GLB1L3: variants seen among roughly 807,000 people sequenced by gnomAD.
GLB1L3 encodes beta-galactosidase-1-like protein 3.
Under a neutral mutation model 89.5 loss-of-function variants are expected in GLB1L3, and 89 were observed. The observed-to-expected ratio is 0.99, with a 90% CI of 0.84 to 1.19. GLB1L3 has a LOEUF of 1.19. Among genes scored for constraint, GLB1L3 ranks in the 50% most tolerant of loss-of-function variants. GLB1L3 has a pLI of 0.00. For synonymous variants in GLB1L3, 314 were observed against 312.3 expected (o/e 1.01, Z -0.06); for missense variants, 812 against 813.3 (o/e 1.00, Z 0.02).
In GLB1L3 at chr11:134,277,748, G is replaced by T. The variant is rs1565385539; in HGVS notation, c.198G>T (p.Val66=). ...LTPLELKNRS[V]GLGTESTGRG... is the part of the protein sequence containing the mutation. ...CTCTGGAGCTGAAGAATCGATCTGT[G>T]GGACTTGGAACTGAAAGCACAGGTC... The change falls in exon 3 of 20, where the codon GTG becomes GTT. Residue 66 remains valine (V), a synonymous_variant. Transcript: ENST00000431683. The T allele has an allele frequency of 6.2e-7, 1 of 1,613,398 alleles. No individual in the cohort carries two copies. The highest frequency in any genetic ancestry group is 8.5e-7 in the Non-Finnish European group (1 of 1,179,790).
At chr11:134,311,027 C>T (rs1358517404) in intron 12 of GLB1L3, 37 bp from the exon 13 acceptor site, 1 of 1,494,892 alleles carries the variant, frequency 6.7e-7, no homozygotes. Flanking sequence ...GTGGTCATCT[C>T]AGGCACTTTT....
chr11:134,310,663 C>G lies in GLB1L3; in HGVS notation c.1180+12C>G. 1 of 1,602,590 alleles carries G rather than the reference C, an allele frequency of 6.2e-7. No homozygotes were observed. The highest frequency in any genetic ancestry group is 1.1e-5 in the South Asian group (1 of 90,562). ...TCAATCTGTCTCAGGTACTCAGCAC[C>G]CATTTAACTTACGGGCCAGCCCTCC... is the stretch of plus-strand genomic sequence containing the variant. On this transcript the variant is annotated intron_variant, in intron 12 of 19. Coordinates refer to ENST00000431683, the MANE Select transcript of GLB1L3 (RefSeq NM_001080407.3).
In GLB1L3 at chr11:134,284,078, G is replaced by A. The variant is rs1458971643; in HGVS notation, c.636+233G>A. On this transcript the variant is annotated intron_variant, in intron 6 of 19. Coordinates refer to ENST00000431683, the MANE Select transcript of GLB1L3 (RefSeq NM_001080407.3). ...AGAAAGACTCATCACACAAGGCAGG[G>A]ACTGGTTGTCCACATGAACTTACTA... 2.0e-5 allele frequency among the ~76,000 whole-genome samples: 3 copies of A among 152,162 alleles called. No homozygotes were observed. The East Asian group carries it at 5.8e-4, about 29-fold the overall frequency.
chr11:134,288,960 A>G, intron 7 of GLB1L3, 70 bp downstream of exon 7: 1 of 1,071,662 alleles, frequency 9.3e-7, no homozygotes, highest in Non-Finnish European at 1.4e-6. Context: ...TGATTCCTGG[A>G]TGCATGAGTG....
intron 6 of GLB1L3, among the ~76,000 whole-genome samples, chr11:134,287,762 CAG>C (rs1354907577): frequency 2.6e-5 from 4 of 152,228 alleles, no homozygotes; most frequent in Admixed American, 2.0e-4. Flanking sequence ...TGGAGGCAAA[CAG>C]AATCTCAGTA....
chr11:134,321,780 G>A (rs1943172388), downstream of GLB1L3, among the ~76,000 whole-genome samples: 1 of 150,482 alleles, frequency 6.6e-6, no homozygotes, highest in South Asian at 2.1e-4. Flanking sequence ...GGGGTGGGGG[G>A]AGTTGGGAGG....
chr11:134,314,159 G>A (rs376975998), intron 17 of GLB1L3, 131 bp downstream of exon 17: 41 of 759,096 alleles, frequency 5.4e-5, no homozygotes, highest in African/African-American at 2.6e-4. Context: ...GTACTTCGGC[G>A]TCAGAACTAG....
chr11:134,283,708 G>T (rs1463088447), intron 5 of GLB1L3, 29 bp from the exon 6 acceptor site: 13 of 1,390,422 alleles, frequency 9.3e-6, no homozygotes, highest in Non-Finnish European at 1.1e-5. Flanking sequence ...ACCCGTCTCA[G>T]ACCCTGAGCC....
rs1375593565 is a variant in GLB1L3, at chr11:134,308,477, CCACCACCACCAT to C, written c.962-1140_962-1129del. On this transcript the variant is annotated intron_variant, in intron 10 of 19. Transcript: ENST00000431683. ...CCACCACCACCACCACCACCAAATA[CCACCACCACCAT>C]CACCACCAAATACCACCACCACCAC... is the stretch of plus-strand genomic sequence containing the variant. 6.2e-4 allele frequency among the ~76,000 whole-genome samples: 6 copies of C among 9,616 alleles called. 2 individuals are homozygous for C. The highest frequency in any genetic ancestry group is 2.5e-3 in the Admixed American group (2 of 800). 6.3% of individuals were successfully genotyped at this position (9,616 alleles called of 152,430 possible). A position where few individuals can be genotyped will look rare whatever the true frequency, so the allele number is the denominator to read the frequency against.
At position 134,293,224 on chromosome 11, in the gene GLB1L3, A is replaced by T. The variant is rs375021763; in HGVS notation, c.876+15A>T. ...ATAAAGTCCAGGTAAGACATTTCAG[A>T]CAGGCAGGGTTTTACAGCTCCTCCT... On this transcript the variant is annotated intron_variant, in intron 9 of 19. Transcript: ENST00000431683. The T allele has an allele frequency of 1.9e-5, 30 of 1,609,136 alleles. No individual in the cohort carries two copies. In the African/African-American group the frequency reaches 2.9e-4, roughly 16 times the overall value.
chr11:134,286,097 T>C (rs1940969119), intron 6 of GLB1L3, among the ~76,000 whole-genome samples: 1 of 151,844 alleles, frequency 6.6e-6, no homozygotes, highest in African/African-American at 2.4e-5. Context: ...TTAGTAGAGA[T>C]GGGGTTTCAC....
chr11:134,292,083 C>G, intron 7 of GLB1L3, 49 bp from the exon 8 acceptor site: 1 of 1,343,656 alleles, frequency 7.4e-7, no homozygotes, highest in Non-Finnish European at 1.1e-6. Context: ...TTTCTTTTTT[C>G]CCATGGGAAT....
intron 9 of GLB1L3, among the ~76,000 whole-genome samples, chr11:134,295,736 T>G (rs975385876): frequency 2.0e-5 from 3 of 152,200 alleles, no homozygotes; most frequent in Non-Finnish European, 4.4e-5. Flanking sequence ...TTTTCTAATA[T>G]AAGTATTTAT....
chr11:134,278,286 T>A (rs527396629), intron 3 of GLB1L3, among the ~76,000 whole-genome samples: 122 of 149,764 alleles, frequency 8.1e-4, no homozygotes, highest in African/African-American at 2.6e-3. Context: ...CAAAAAAAAA[T>A]TTTTTTTTTT....
chr11:134,304,159 C>G (rs1942076369), intron 9 of GLB1L3, among the ~76,000 whole-genome samples: 1 of 152,146 alleles, frequency 6.6e-6, no homozygotes, highest in Non-Finnish European at 1.5e-5. Context: ...GGAATTCCAG[C>G]TAAATTCATT....
chr11:134,322,320 T>G (rs552217744), downstream of GLB1L3, among the ~76,000 whole-genome samples: 9 of 152,212 alleles, frequency 5.9e-5, no homozygotes, highest in Non-Finnish European at 1.3e-4. Context: ...AAGCAAACAT[T>G]TCCAGATCTA....
At chr11:134,305,269 C>T (rs1425357307) in intron 9 of GLB1L3, 3 of 702,796 alleles carry the variant, frequency 4.3e-6, no homozygotes, top group Admixed American at 4.1e-5. Context: ...CCAGCTTGTG[C>T]ACCCTATTCT....
At chr11:134,319,644 C>G (rs1943127553), downstream of GLB1L3, 1 of 150,688 alleles carries the variant, frequency 6.6e-6, no homozygotes, top group Non-Finnish European at 1.5e-5. Flanking sequence ...TTTCCTCATG[C>G]CAGAGAGAGT....
At chr11:134,306,833 C>G (rs1942227175) in intron 9 of GLB1L3, among the ~76,000 whole-genome samples, 1 of 152,256 alleles carries the variant, frequency 6.6e-6, no homozygotes, top group African/African-American at 2.4e-5. Flanking sequence ...CCCATTCTTT[C>G]AACACCAGCC....
Sources: allele counts gnomAD v4.1 joint callset (sites outside exome capture counted in the v4.1 genomes callset), GRCh38; gene constraint gnomAD v4.1.1; transcripts MANE v1.5; gene names NCBI Gene and HGNC (gene_info 2026-07-23, HGNC 2026-07-21).